The following GALNT18 variants were observed in gnomAD, a reference collection of about 807,000 sequenced individuals.
GALNT18 encodes the protein polypeptide N-acetylgalactosaminyltransferase 18.
A neutral mutation model predicts 69.5 loss-of-function variants in GALNT18; 44 were observed. That is an observed-to-expected ratio of 0.63 (90% CI 0.50 to 0.81). GALNT18 has a LOEUF of 0.81. Ranked by LOEUF, GALNT18 falls within the 40% of genes least tolerant of loss-of-function variation. The pLI is 0.00. For synonymous variants in GALNT18, 364 were observed against 318.2 expected, an observed-to-expected ratio of 1.14 and a Z score of -1.53; for missense variants, 715 against 810.0, an observed-to-expected ratio of 0.88 and a Z score of 1.42.
chr11:11,336,681 C>T (rs1850119835), intron 7 of GALNT18, among the ~76,000 whole-genome samples: 1 of 152,088 alleles, frequency 6.6e-6, no homozygotes, highest in East Asian at 1.9e-4. Flanking sequence ...GGTAAACCTC[C>T]TAGGGAAACT....
At chr11:11,271,403 C>T in intron 10 of GALNT18, 113 bp from the exon 11 acceptor site, 1 of 1,088,254 alleles carries the variant, frequency 9.2e-7, no homozygotes, top group Non-Finnish European at 1.4e-6. Flanking sequence ...TGGCCAGATC[C>T]CAGGAGGTCA....
At chr11:11,513,785 T>A (rs959450480) in intron 1 of GALNT18, among the ~76,000 whole-genome samples, 1 of 152,242 alleles carries the variant, frequency 6.6e-6, no homozygotes, top group African/African-American at 2.4e-5. Context: ...AGGGGGAACA[T>A]AATTTATTTA....
At position 11,602,120 on chromosome 11, in the gene GALNT18, C is replaced by A. The variant is rs1565036415; in HGVS notation, c.235+19239G>T. On this transcript the variant is annotated intron_variant, in intron 1 of 10. Coordinates refer to ENST00000227756, the MANE Select transcript of GALNT18 (RefSeq NM_198516.3). The surrounding 1 kb of genome is among the most constrained non-coding windows in gnomAD (Gnocchi z 4.7). ...CCTATCCCTGGGCAGAATATCTATA[C>A]CACTGCTCTGGAGTTGTAAGTAGGA... 1.3e-5 allele frequency among the ~76,000 whole-genome samples: 2 copies of A among 152,196 alleles called. No homozygotes were observed. Among genetic ancestry groups the A allele is most frequent in the Admixed American group, 6.5e-5 (1 of 15,278 alleles).
chr11:11,499,999 T>C (rs1244314658), intron 1 of GALNT18, among the ~76,000 whole-genome samples: 1 of 152,050 alleles, frequency 6.6e-6, no homozygotes, highest in Non-Finnish European at 1.5e-5. Context: ...AAGAGAAAGA[T>C]GCAGTCCTAG....
intron 10 of GALNT18, 38 bp downstream of exon 10, chr11:11,292,991 C>T (rs10437598): frequency 0.39 from 521,664 of 1,333,964 alleles, 103,064 homozygotes; most frequent in Admixed American, 0.5. Context: ...TGGTTTTCCA[C>T]GATGGCTGCC....
intron 10 of GALNT18, among the ~76,000 whole-genome samples, chr11:11,284,762 T>C (rs1849156292): frequency 6.6e-6 from 1 of 152,188 alleles, no homozygotes; most frequent in Non-Finnish European, 1.5e-5. Context: ...AAGTAGTTAA[T>C]GATTAGTAAT....
rs188839452 is a variant in GALNT18, at chr11:11,468,423, T to C, written c.236-19487A>G. Among the ~76,000 whole-genome samples, 1,146 of 152,318 alleles carry C rather than the reference T, an allele frequency of 7.5e-3. 3 individuals are homozygous for C. Among genetic ancestry groups the C allele is most frequent in the Admixed American group, 0.012 (179 of 15,302 alleles). On this transcript the variant is annotated intron_variant, in intron 1 of 10. Coordinates refer to ENST00000227756, the MANE Select transcript of GALNT18 (RefSeq NM_198516.3). ...GTGCTCGCCTCCTTCCTGCCTGCCA[T>C]GCAGCTCTAAGAAACAGCCAAGTCT...
At chr11:11,378,366 T>A (rs574762997) in intron 4 of GALNT18, among the ~76,000 whole-genome samples, 18 of 152,286 alleles carry the variant, frequency 1.2e-4, no homozygotes, top group African/African-American at 4.3e-4. Flanking sequence ...CTACTTATGG[T>A]CATTGCCAGA....
chr11:11,432,858 G>A lies in GALNT18; in HGVS notation c.429-71C>T, dbSNP rs1302132843. The A allele has an allele frequency of 6.6e-7, 1 of 1,506,838 alleles. No homozygotes were observed. The highest frequency in any genetic ancestry group is 9.0e-7 in the Non-Finnish European group (1 of 1,105,108). 93.3% of individuals were successfully genotyped at this position (1,506,838 alleles called of 1,614,324 possible). The stretch of plus-strand genomic sequence containing the variant: ...CATCTCAGGAGCTGACCCAGCCCAT[G>A]TCCTGGCTCCAGCTTTGCTGGAGGG... On this transcript the variant is annotated intron_variant, in intron 2 of 10. Transcript: ENST00000227756. The surrounding 1 kb of genome is among the most constrained non-coding windows in gnomAD (Gnocchi z 5.8).
At chr11:11,423,530 A>G (rs1354961648) in intron 3 of GALNT18, among the ~76,000 whole-genome samples, 1 of 152,072 alleles carries the variant, frequency 6.6e-6, no homozygotes, top group African/African-American at 2.4e-5. Flanking sequence ...TCTTACTGAA[A>G]CCCCAGGCAA....
At chr11:11,401,773 A>G (rs1854473090) in intron 3 of GALNT18, among the ~76,000 whole-genome samples, 1 of 152,260 alleles carries the variant, frequency 6.6e-6, no homozygotes, top group Non-Finnish European at 1.5e-5. Flanking sequence ...GCTCTGTTCT[A>G]AACATTAAAG....
intron 10 of GALNT18, among the ~76,000 whole-genome samples, chr11:11,282,047 C>G: frequency 6.6e-6 from 1 of 152,008 alleles, no homozygotes; most frequent in Admixed American, 6.5e-5. Flanking sequence ...TGCTGGAGCT[C>G]TTCAACAAAA....
chr11:11,406,196 C>A (rs931249702), intron 3 of GALNT18, among the ~76,000 whole-genome samples: 4 of 152,178 alleles, frequency 2.6e-5, no homozygotes, highest in African/African-American at 9.7e-5. Flanking sequence ...CCATATTTTC[C>A]AAGCACCTAC....
At chr11:11,273,009 T>C (rs1011871047) in intron 10 of GALNT18, among the ~76,000 whole-genome samples, 3 of 152,044 alleles carry the variant, frequency 2.0e-5, no homozygotes, top group Non-Finnish European at 4.4e-5. Flanking sequence ...TAGAGCCCTA[T>C]CTCTCGCTAT....
In GALNT18 at chr11:11,595,864, T is replaced by C. The variant is rs1175067097; in HGVS notation, c.235+25495A>G. Among the ~76,000 whole-genome samples, 1 of 152,244 alleles carries C rather than the reference T, an allele frequency of 6.6e-6. No homozygotes were observed. Among genetic ancestry groups the C allele is most frequent in the Non-Finnish European group, 1.5e-5 (1 of 68,040 alleles). On this transcript the variant is annotated intron_variant, in intron 1 of 10. Coordinates refer to ENST00000227756, the MANE Select transcript of GALNT18 (RefSeq NM_198516.3). This position sits in a 1 kb window ranked among gnomAD's most constrained non-coding sequence, Gnocchi z 5.2. Reference sequence around the variant, plus strand: ...TTTCAAGAGAATACTCGTTGAATAGTATTCTTTGATATACAAAGTTTTAAA... The same window carrying C: ...TTTCAAGAGAATACTCGTTGAATAGCATTCTTTGATATACAAAGTTTTAAA...
intron 6 of GALNT18, among the ~76,000 whole-genome samples, chr11:11,358,859 A>ACACGCACACACG (rs1850586494): frequency 7.7e-6 from 1 of 130,010 alleles, no homozygotes; most frequent in African/African-American, 3.0e-5. Flanking sequence ...ACACACACAC[A>ACACGCACACACG]CACGCACAGA....
At chr11:11,557,272 G>GT (rs374184746) in intron 1 of GALNT18, among the ~76,000 whole-genome samples, 12 of 152,112 alleles carry the variant, frequency 7.9e-5, no homozygotes, top group Admixed American at 5.9e-4. Context: ...GTTATGGTGG[G>GT]TTTTTTATAT....
chr11:11,574,099 T>C (rs1190911178), intron 1 of GALNT18, among the ~76,000 whole-genome samples: 1 of 152,156 alleles, frequency 6.6e-6, no homozygotes, highest in East Asian at 1.9e-4. Context: ...ATTGTAGGTA[T>C]GTGGCTCCCC....
At chr11:11,514,536 A>ACATTTCC (rs1256997539) in intron 1 of GALNT18, among the ~76,000 whole-genome samples, 1 of 152,168 alleles carries the variant, frequency 6.6e-6, no homozygotes, top group Non-Finnish European at 1.5e-5. Context: ...GTGAAATTTC[A>ACATTTCC]CATTTCCCAT....
Sources: allele counts gnomAD v4.1 joint callset (sites outside exome capture counted in the v4.1 genomes callset), GRCh38; gene constraint gnomAD v4.1.1; non-coding constraint Gnocchi (gnomAD v3.1); transcripts MANE v1.5; gene names NCBI Gene and HGNC (gene_info 2026-07-23, HGNC 2026-07-21).